The following PCNX2 variants were observed in gnomAD, a reference collection of about 807,000 sequenced individuals.
PCNX2 encodes the protein pecanex 2.
A neutral mutation model predicts 223.8 loss-of-function variants in PCNX2; 168 were observed. That is an observed-to-expected ratio of 0.75 (90% CI 0.66 to 0.85). The LOEUF (loss-of-function observed/expected upper bound fraction) is 0.85. Ranked by LOEUF, PCNX2 falls within the 40% of genes least tolerant of loss-of-function variation. The probability of loss-of-function intolerance (pLI) is 0.00; values close to 1 mark genes in which losing one functional copy is unlikely to be tolerated. For synonymous variants in PCNX2, 1,006 were observed against 1,052.6 expected, an observed-to-expected ratio of 0.96 and a Z score of 0.86; for missense variants, 2,507 against 2,675.5, an observed-to-expected ratio of 0.94 and a Z score of 1.39.
chr1:233,214,513 A>AG (rs1682007036), intron 12 of PCNX2, among the ~76,000 whole-genome samples: 1 of 152,042 alleles, frequency 6.6e-6, no homozygotes, highest in Admixed American at 6.6e-5. Context: ...AGTAGAGGGG[A>AG]GGGGGGAAAT....
Position 232,999,322 on chromosome 1 carries a change from G to T in PCNX2, c.5386C>A (p.Leu1796Ile), listed in dbSNP as rs368512923. ...WAGQQQELIF[L>I]RNRNPERGSI... ...CCGCGCTCCGGATTGCGGTTGCGAA[G>T]AAATATAAGCTCCTGCTGCTGCCCG... The change falls in exon 31 of 34, where the codon CTT (leucine) becomes ATT (isoleucine). Residue 1796 changes from leucine to isoleucine, a missense_variant. Physicochemically the swap from Leu to Ile is conservative, Grantham distance 5. Coordinates refer to ENST00000258229, the MANE Select transcript of PCNX2 (RefSeq NM_014801.4). 2.5e-6 allele frequency: 4 copies of T among 1,604,870 alleles called. No homozygotes were observed. Among genetic ancestry groups the T allele is most frequent in the Non-Finnish European group, 3.4e-6 (4 of 1,175,600 alleles).
chr1:233,215,306 C>T (rs1266007434), intron 12 of PCNX2, among the ~76,000 whole-genome samples: 2 of 152,162 alleles, frequency 1.3e-5, no homozygotes, highest in Non-Finnish European at 2.9e-5. Flanking sequence ...TGGAGAAATG[C>T]CAACTCAAAT....
In PCNX2 at chr1:232,999,173, C is replaced by T. The variant is rs1161623444; in HGVS notation, c.5535G>A (p.Leu1845=). The T allele has an allele frequency of 6.2e-7, 1 of 1,613,846 alleles. No homozygotes were observed. Among genetic ancestry groups the T allele is most frequent in the East Asian group, 2.2e-5 (1 of 44,886 alleles). The change falls in exon 31 of 34, where the codon CTG becomes CTA. Residue 1845 remains leucine (L), a synonymous_variant. Coordinates refer to ENST00000258229, the MANE Select transcript of PCNX2 (RefSeq NM_014801.4). The part of the protein sequence containing the change: ...TTSYLGTHRQ[L]KNIWGGPITL... ...TGATGGGTCCACCCCAGATGTTCTT[C>T]AGCTGCCTGTGTGTCCCTAGGTAGG...
chr1:233,009,238 C>T (rs1429674053), intron 28 of PCNX2, among the ~76,000 whole-genome samples: 1 of 152,170 alleles, frequency 6.6e-6, no homozygotes, highest in Non-Finnish European at 1.5e-5. Flanking sequence ...ACCTAGTGGG[C>T]ACCGCTGTAA....
intron 21 of PCNX2, among the ~76,000 whole-genome samples, chr1:233,117,028 T>C (rs372823384): frequency 3.3e-5 from 5 of 152,062 alleles, no homozygotes; most frequent in Admixed American, 2.0e-4. Context: ...AACAGAACAA[T>C]AGTAAATTTG....
At chr1:233,034,481 C>T (rs1424705495) in intron 25 of PCNX2, among the ~76,000 whole-genome samples, 5 of 152,220 alleles carry the variant, frequency 3.3e-5, no homozygotes, top group African/African-American at 1.2e-4. Context: ...CTAAGCCGCC[C>T]AGTCTATGGT....
chr1:233,168,133 A>G (rs1262618159), intron 17 of PCNX2, among the ~76,000 whole-genome samples: 2 of 152,162 alleles, frequency 1.3e-5, no homozygotes, highest in Non-Finnish European at 2.9e-5. Context: ...AAGGGAATAT[A>G]CTGCAAGATG....
At chr1:233,181,359 C>A (rs1389838988) in intron 15 of PCNX2, among the ~76,000 whole-genome samples, 1 of 151,996 alleles carries the variant, frequency 6.6e-6, no homozygotes, top group Non-Finnish European at 1.5e-5. Context: ...ACCACCACAC[C>A]CAGCTAATTT....
At chr1:233,088,616 C>T (rs1015792025) in intron 23 of PCNX2, among the ~76,000 whole-genome samples, 1 of 152,158 alleles carries the variant, frequency 6.6e-6, no homozygotes, top group Non-Finnish European at 1.5e-5. Flanking sequence ...CAAAATCTAC[C>T]TCTCTTAGAA....
rs191828447 is a variant in PCNX2, at chr1:233,241,778, C to A, written c.2223-4798G>T. On this transcript the variant is annotated intron_variant, in intron 8 of 33. Coordinates refer to ENST00000258229, the MANE Select transcript of PCNX2 (RefSeq NM_014801.4). Reference sequence around the variant, plus strand: ...ACATGGTACTGGGTATATCTAATATCGAGAGAAGTCACAATGTTTTACTCT... The same window carrying A: ...ACATGGTACTGGGTATATCTAATATAGAGAGAAGTCACAATGTTTTACTCT... Among the ~76,000 whole-genome samples, 335 of 152,178 alleles carry A rather than the reference C, an allele frequency of 2.2e-3. 1 individual carries two copies. Among genetic ancestry groups the A allele is most frequent in the Non-Finnish European group, 4.0e-3 (273 of 68,004 alleles).
chr1:233,160,781 T>C (rs890152217), intron 18 of PCNX2, among the ~76,000 whole-genome samples: 3 of 152,162 alleles, frequency 2.0e-5, no homozygotes, highest in Non-Finnish European at 4.4e-5. Flanking sequence ...ATGGACAATA[T>C]TTTTGTATAG....
At chr1:233,228,854 C>T (rs74395315) in intron 9 of PCNX2, among the ~76,000 whole-genome samples, 4,466 of 152,148 alleles carry the variant, frequency 0.029, 83 homozygotes, top group South Asian at 0.05. Flanking sequence ...TATTCTAATC[C>T]GTATTTTTGT....
the PCNX2 span, among the ~76,000 whole-genome samples, chr1:233,308,944 A>G: frequency 6.6e-6 from 1 of 152,200 alleles, no homozygotes; most frequent in Admixed American, 6.5e-5. Flanking sequence ...AAAGGACAAA[A>G]AGAATACAAA....
chr1:233,149,044 A>G (rs1392518068), intron 19 of PCNX2, among the ~76,000 whole-genome samples: 1 of 152,240 alleles, frequency 6.6e-6, no homozygotes, highest in Non-Finnish European at 1.5e-5. Context: ...TAGGGTTCAC[A>G]CAAAGTAAAG....
chr1:233,319,476 G>T, the PCNX2 span, among the ~76,000 whole-genome samples: 7 of 152,214 alleles, frequency 4.6e-5, no homozygotes, highest in Non-Finnish European at 8.8e-5. Flanking sequence ...CTGAGCTTAT[G>T]GTCGTCAGGT....
At chr1:233,166,777 A>G (rs1475836925) in intron 17 of PCNX2, among the ~76,000 whole-genome samples, 4 of 152,210 alleles carry the variant, frequency 2.6e-5, no homozygotes, top group Non-Finnish European at 5.9e-5. Context: ...CCTGGAAAAT[A>G]ATATATTTTT....
chr1:233,035,620 G>T (rs1325060976), intron 25 of PCNX2, among the ~76,000 whole-genome samples: 1 of 152,200 alleles, frequency 6.6e-6, no homozygotes, highest in Non-Finnish European at 1.5e-5. Context: ...CTTAGACATA[G>T]ATAGAGCTTA....
rs891175454 is a variant in PCNX2, at chr1:233,148,779, T to A, written c.3518-8924A>T. Among the ~76,000 whole-genome samples, 5 of 152,208 alleles carry A rather than the reference T, an allele frequency of 3.3e-5. No homozygotes were observed. The East Asian group carries it at 9.6e-4, about 29-fold the overall frequency. On this transcript the variant is annotated intron_variant, in intron 19 of 33. Transcript: ENST00000258229. ...AATTTATTCTAATGACACGCTTCAG[T>A]CTCTAGATGAGGAAAACATTTAACA...
chr1:233,172,632 G>C, intron 17 of PCNX2: 2 of 866,630 alleles, frequency 2.3e-6, no homozygotes. Context: ...ATAGTTCGAG[G>C]TCTGAAAAAC....
Sources: gnomAD v4.1 joint callset for allele counts (sites outside exome capture counted in the v4.1 genomes callset) on GRCh38, gnomAD v4.1.1 for gene constraint, MANE v1.5 for transcripts, NCBI Gene and HGNC (gene_info 2026-07-23, HGNC 2026-07-21) for gene names.